Variants in FOXP1 observed in about 807,000 individuals in gnomAD.
The protein encoded by FOXP1 is forkhead box P1, also known as forkhead box protein P1.
A neutral mutation model predicts 98.2 loss-of-function variants in FOXP1; 15 were observed. The observed-to-expected ratio is 0.15, with a 90% CI of 0.10 to 0.24. The LOEUF (loss-of-function observed/expected upper bound fraction) is 0.24, where lower values mean the gene tolerates loss of function less well. Among genes scored for constraint, FOXP1 ranks in the 10% least tolerant of loss-of-function variants. FOXP1 has a pLI of 1.00. For synonymous variants in FOXP1, 371 were observed against 314.5 expected, an observed-to-expected ratio of 1.18 and a Z score of -1.90; for missense variants, 633 against 848.5, an observed-to-expected ratio of 0.75 and a Z score of 3.15.
chr3:71,328,348 C>T (rs890181825), intron 4 of FOXP1, among the ~76,000 whole-genome samples: 1 of 152,186 alleles, frequency 6.6e-6, no homozygotes, highest in African/African-American at 2.4e-5. Context: ...AAGAACTGTG[C>T]TCCACACATA....
chr3:71,041,260 G>A (rs544367607), intron 11 of FOXP1, 68 bp downstream of exon 11: 505 of 1,266,340 alleles, frequency 4.0e-4, no homozygotes, highest in Admixed American at 4.9e-4. Flanking sequence ...GAGATATGAC[G>A]AGGCAGGGCC....
intron 3 of FOXP1, among the ~76,000 whole-genome samples, chr3:71,465,325 AAGAAGAAG>A (rs753669922): frequency 3.1e-5 from 2 of 64,032 alleles, no homozygotes; most frequent in Non-Finnish European, 7.8e-5. Context: ...AAAAAAAAAA[AAGAAGAAG>A]AAGAAGAAGA....
intron 5 of FOXP1, among the ~76,000 whole-genome samples, chr3:71,263,289 G>A (rs954407134): frequency 6.6e-6 from 1 of 152,182 alleles, no homozygotes; most frequent in South Asian, 2.1e-4. Context: ...AAAACTAAAA[G>A]TAAAACAACA....
intron 3 of FOXP1, among the ~76,000 whole-genome samples, chr3:71,422,295 C>G (rs936860331): frequency 4.6e-5 from 7 of 152,220 alleles, no homozygotes; most frequent in Non-Finnish European, 8.8e-5. Flanking sequence ...CCTTTTCACT[C>G]CTATTAGAAA....
At chr3:71,410,950 T>C (rs1041858674) in intron 3 of FOXP1, among the ~76,000 whole-genome samples, 1 of 152,208 alleles carries the variant, frequency 6.6e-6, no homozygotes, top group Non-Finnish European at 1.5e-5. Context: ...CGTGGCTTCA[T>C]ATGTGTAGCA....
At chr3:70,965,029 G>A (rs2034442335) in intron 20 of FOXP1, among the ~76,000 whole-genome samples, 1 of 152,198 alleles carries the variant, frequency 6.6e-6, no homozygotes, top group South Asian at 2.1e-4. Flanking sequence ...TGACAGTACT[G>A]CAAACACGAA....
At chr3:71,567,871 G>C (rs2047023345) in intron 2 of FOXP1, 3 of 151,836 alleles carry the variant, frequency 2.0e-5, no homozygotes, top group Admixed American at 1.3e-4. Flanking sequence ...TCACAATGAA[G>C]GGCAGGTGAC....
intron 12 of FOXP1, among the ~76,000 whole-genome samples, chr3:71,009,490 G>T (rs919252592): frequency 3.3e-5 from 5 of 151,992 alleles, no homozygotes; most frequent in African/African-American, 1.2e-4. Flanking sequence ...AATTTGCCAT[G>T]CCCTCCCCTC....
intron 4 of FOXP1, among the ~76,000 whole-genome samples, chr3:71,327,752 A>G (rs2076003699): frequency 1.3e-5 from 2 of 152,220 alleles, no homozygotes; most frequent in Admixed American, 6.5e-5. Flanking sequence ...TCTATCACAT[A>G]TAAGTGTGTA....
At chr3:71,093,097 C>T (rs904555885) in intron 7 of FOXP1, among the ~76,000 whole-genome samples, 1 of 151,770 alleles carries the variant, frequency 6.6e-6, no homozygotes, top group Non-Finnish European at 1.5e-5. Flanking sequence ...CCCGTCTCTA[C>T]TAAAAATACA....
At chr3:71,361,523 T>C (rs570085684) in intron 3 of FOXP1, among the ~76,000 whole-genome samples, 44 of 152,336 alleles carry the variant, frequency 2.9e-4, no homozygotes, top group Middle Eastern at 6.8e-3. Flanking sequence ...TGTTAATAAT[T>C]TGCTCACACT....
intron 2 of FOXP1, among the ~76,000 whole-genome samples, chr3:71,533,578 G>A (rs182091124): frequency 5.3e-5 from 8 of 152,186 alleles, no homozygotes; most frequent in South Asian, 2.1e-4. Context: ...CCAGATTTTC[G>A]ACTGTGTGGA....
At chr3:71,108,643 G>A (rs2057647770) in intron 7 of FOXP1, among the ~76,000 whole-genome samples, 1 of 152,094 alleles carries the variant, frequency 6.6e-6, no homozygotes, top group African/African-American at 2.4e-5. Context: ...GTGCATGCCT[G>A]TAGTCCCAAC....
intron 7 of FOXP1, among the ~76,000 whole-genome samples, chr3:71,109,835 C>G (rs1473075212): frequency 6.6e-6 from 1 of 152,016 alleles, no homozygotes; most frequent in Non-Finnish European, 1.5e-5. Flanking sequence ...CTTCAGCAAT[C>G]GTCTGTGATA....
At chr3:71,240,810 A>G (rs867816991) in intron 5 of FOXP1, among the ~76,000 whole-genome samples, 11 of 151,430 alleles carry the variant, frequency 7.3e-5, no homozygotes, top group South Asian at 2.1e-4. Flanking sequence ...CTCCCAAAGT[A>G]CTGGGATTAC....
chr3:71,133,677 T>TA lies in FOXP1; in HGVS notation c.181-21041dup, dbSNP rs201177954. 2.3e-3 allele frequency among the ~76,000 whole-genome samples: 320 copies of TA among 139,344 alleles called. 2 individuals carry two copies. The highest frequency in any genetic ancestry group is 4.5e-3 in the Admixed American group (63 of 13,994). 91.4% of individuals were successfully genotyped at this position (139,344 alleles called of 152,430 possible). On this transcript the variant is annotated intron_variant, in intron 6 of 20. Transcript: ENST00000649528. Reference sequence around the variant, plus strand: ...CCTCTTAATGTAGTCCTCCTCTAAATAAAAAAAAAAAGGACACACAACAAA... The same window carrying TA: ...CCTCTTAATGTAGTCCTCCTCTAAATAAAAAAAAAAAAGGACACACAACAAA...
intron 4 of FOXP1, among the ~76,000 whole-genome samples, chr3:71,348,555 G>GCA (rs1408522304): frequency 0.024 from 3,035 of 126,258 alleles, 120 homozygotes; most frequent in African/African-American, 0.086. Context: ...GTGTGCGTGC[G>GCA]CGCGCGCACG....
At chr3:70,997,792 C>G (rs942146800) in intron 13 of FOXP1, among the ~76,000 whole-genome samples, 5 of 152,208 alleles carry the variant, frequency 3.3e-5, no homozygotes, top group African/African-American at 1.2e-4. Flanking sequence ...TCATTGTACT[C>G]TGCAGTAGCT....
chr3:71,325,649 GTATTAT>G (rs10575337), intron 4 of FOXP1, among the ~76,000 whole-genome samples: 120,130 of 147,996 alleles, frequency 0.81, 49,903 homozygotes, highest in Non-Finnish European at 0.91. Flanking sequence ...TCCTACAAAT[GTATTAT>G]TATTATTATT....
Sources: gnomAD v4.1 joint callset for allele counts (sites outside exome capture counted in the v4.1 genomes callset) on GRCh38, gnomAD v4.1.1 for gene constraint, MANE v1.5 for transcripts, NCBI Gene and HGNC (gene_info 2026-07-23, HGNC 2026-07-21) for gene names.